The following HHIPL1 variants were observed in gnomAD, a reference collection of about 807,000 sequenced individuals.
HHIPL1 encodes the protein HHIP like 1, also known as HHIP-like protein 1.
A neutral mutation model predicts 61.8 loss-of-function variants in HHIPL1; 43 were observed. That is an observed-to-expected ratio of 0.70 (90% confidence interval 0.55 to 0.90). HHIPL1 has a LOEUF of 0.90. Among genes scored for constraint, HHIPL1 ranks in the 40% least tolerant of loss-of-function variants. The pLI, the probability that HHIPL1 is intolerant of heterozygous loss-of-function variation, is 0.00. For synonymous variants in HHIPL1, 482 were observed against 515.8 expected (o/e 0.93, Z 0.89); for missense variants, 1,056 against 1,157.7 (o/e 0.91, Z 1.28).
chr14:99,675,445 G>T lies in HHIPL1; in HGVS notation c.2168G>T (p.Arg723Leu). ...CRQLGFAYAV[R>L]AVKRAEFGQG... is the part of the protein sequence containing the mutation. ...CAGCTGGGGTTTGCCTACGCCGTGC[G>T]CGCCGTCAAGAGAGCCGAGTTCGGC... Residue 723 changes from arginine (R) to leucine (L), a missense_variant, in exon 9 of 9, where the codon CGC becomes CTC. Arg to Leu is a moderately radical substitution (Grantham distance 102, BLOSUM62 -2). Coordinates refer to ENST00000330710, the MANE Select transcript of HHIPL1 (RefSeq NM_001127258.3). The surrounding 1 kb of genome is among the most constrained non-coding windows in gnomAD (Gnocchi z 5.4). 1 of 1,538,172 alleles carries T rather than the reference G, an allele frequency of 6.5e-7. No individual in the cohort carries two copies. The highest frequency in any genetic ancestry group is 8.7e-7 in the Non-Finnish European group (1 of 1,145,700).
Position 99,675,816 on chromosome 14 carries a change from G to A in HHIPL1, c.*190G>A. The stretch of plus-strand genomic sequence containing the variant: ...CTGCAGACCCAAGGCAGGAGTGTGT[G>A]TTGGGGGCGGTGTGGGCTCTGGAAG... On this transcript the variant is annotated 3_prime_UTR_variant, in exon 9 of 9. Transcript: ENST00000330710. This position sits in a 1 kb window ranked among gnomAD's most constrained non-coding sequence, Gnocchi z 5.4. 1 of 509,748 alleles carries A rather than the reference G, an allele frequency of 2.0e-6. No individual in the cohort carries two copies. The highest frequency in any genetic ancestry group is 3.3e-6 in the Non-Finnish European group (1 of 304,418). 31.6% of individuals were successfully genotyped at this position (509,748 alleles called of 1,614,324 possible). A position where few individuals can be genotyped will look rare whatever the true frequency, so the allele number is the denominator to read the frequency against.
upstream of HHIPL1, chr14:99,645,059 C>A: frequency 3.2e-6 from 2 of 616,644 alleles, no homozygotes; most frequent in Non-Finnish European, 4.7e-6. Flanking sequence ...TGTCCCCGAC[C>A]AGAGGTGACC....
chr14:99,613,500 T>G, the HHIPL1 span, among the ~76,000 whole-genome samples: 14 of 151,862 alleles, frequency 9.2e-5, no homozygotes, highest in African/African-American at 3.1e-4. Context: ...GTTTTTATAC[T>G]GTTTGTAGAG....
At chr14:99,644,705 G>A (rs77648556), upstream of HHIPL1, among the ~76,000 whole-genome samples, 5,327 of 152,198 alleles carry the variant, frequency 0.035, 290 homozygotes, top group African/African-American at 0.12. Context: ...CCACCCCTAC[G>A]CCAGGTTTCA....
intron 2 of HHIPL1, among the ~76,000 whole-genome samples, chr14:99,654,349 A>AGCTGGGGACACCCAGTGGG (rs2055993094): frequency 6.6e-6 from 1 of 152,196 alleles, no homozygotes; most frequent in African/African-American, 2.4e-5. Flanking sequence ...CACCCAGTGG[A>AGCTGGGGACACCCAGTGGG]AGCTGGAGCC....
chr14:99,641,212 T>C (rs554958794), upstream of HHIPL1, among the ~76,000 whole-genome samples: 1 of 152,198 alleles, frequency 6.6e-6, no homozygotes, highest in East Asian at 1.9e-4. Flanking sequence ...AATGCTTTTT[T>C]GTTTTCGTAG....
At chr14:99,661,411 GA>G (rs2056149856) in intron 5 of HHIPL1, among the ~76,000 whole-genome samples, 2 of 72,018 alleles carry the variant, frequency 2.8e-5, no homozygotes, top group Non-Finnish European at 5.4e-5. Context: ...GAAAGAGAGA[GA>G]GAGAGAAAAG....
chr14:99,642,372 T>C (rs752892271), upstream of HHIPL1, among the ~76,000 whole-genome samples: 5 of 152,232 alleles, frequency 3.3e-5, no homozygotes, highest in Non-Finnish European at 7.3e-5. Flanking sequence ...TGTTTGTTTT[T>C]GTAACTTCTG....
chr14:99,652,575 A>G lies in HHIPL1; in HGVS notation c.607A>G (p.Arg203Gly), dbSNP rs759309953. 6.2e-7 allele frequency: 1 copy of G among 1,613,088 alleles called. No homozygotes were observed. Among genetic ancestry groups the G allele is most frequent in the South Asian group, 1.1e-5 (1 of 91,048 alleles). The part of the protein sequence containing the change: ...LRNPVAMVHA[R>G]DGTHRFFVAE... ...CAACCCCGTGGCCATGGTCCATGCC[A>G]GGGATGGCACCCACCGCTTCTTCGT... The change falls in exon 2 of 9, where the codon AGG becomes GGG. Residue 203 changes from arginine (R) to glycine (G), a missense_variant. Physicochemically the swap from Arg to Gly is moderately radical, Grantham distance 125. Coordinates refer to ENST00000330710, the MANE Select transcript of HHIPL1 (RefSeq NM_001127258.3).
Position 99,675,077 on chromosome 14 carries a change from C to T in HHIPL1, c.1814-14C>T. On this transcript the variant is annotated splice_polypyrimidine_tract_variant and intron_variant, in intron 8 of 8. Coordinates refer to ENST00000330710, the MANE Select transcript of HHIPL1 (RefSeq NM_001127258.3). This position sits in a 1 kb window ranked among gnomAD's most constrained non-coding sequence, Gnocchi z 5.4. The stretch of plus-strand genomic sequence containing the variant: ...GCCTGGGTCCCTCTGACGGCATACT[C>T]TTCCTCTGCGCAGAGTTCATCCCGA... 1 of 1,147,978 alleles carries T rather than the reference C, an allele frequency of 8.7e-7. No individual in the cohort carries two copies. 71.1% of individuals were successfully genotyped at this position (1,147,978 alleles called of 1,614,324 possible).
At chr14:99,647,835 C>G (rs751231823) in intron 1 of HHIPL1, among the ~76,000 whole-genome samples, 1 of 152,180 alleles carries the variant, frequency 6.6e-6, no homozygotes, top group Non-Finnish European at 1.5e-5. Context: ...AGACTCTTTC[C>G]TGAGGCTTTG....
Position 99,659,589 on chromosome 14 carries a change from G to T in HHIPL1, c.1208G>T (p.Arg403Leu), listed in dbSNP as rs1279235786. ...VRNMWRCSFD[R>L]GDPSSGTGRG... ...AACATGTGGCGCTGCTCCTTCGACC[G>T]TGGCGACCCCTCCTCGGGCACTGGC... The change falls in exon 4 of 9, where the codon CGT becomes CTT. Residue 403 changes from arginine to leucine, a missense_variant. Coordinates refer to ENST00000330710, the MANE Select transcript of HHIPL1 (RefSeq NM_001127258.3). 4 of 1,552,458 alleles carry T rather than the reference G, an allele frequency of 2.6e-6. No individual in the cohort carries two copies. Among genetic ancestry groups the T allele is most frequent in the Non-Finnish European group, 3.5e-6 (4 of 1,152,120 alleles).
In HHIPL1 at chr14:99,660,515, C is replaced by G; in HGVS notation, c.1502+109C>G. The G allele has an allele frequency of 7.3e-7, 1 of 1,370,198 alleles. No homozygotes were observed. The highest frequency in any genetic ancestry group is 2.3e-5 in the East Asian group (1 of 42,590). 84.9% of individuals were successfully genotyped at this position (1,370,198 alleles called of 1,614,324 possible). A position where few individuals can be genotyped will look rare whatever the true frequency, so the allele number is the denominator to read the frequency against. ...TGCGCCCGTTCCTGCACATGTGCCT[C>G]GCTGCTCTGACAGGGGCCCCTAGGT... On this transcript the variant is annotated intron_variant, in intron 5 of 8. Coordinates refer to ENST00000330710, the MANE Select transcript of HHIPL1 (RefSeq NM_001127258.3). This position sits in a 1 kb window ranked among gnomAD's most constrained non-coding sequence, Gnocchi z 4.9.
the HHIPL1 span, chr14:99,625,128 C>G: frequency 1.3e-5 from 2 of 152,218 alleles, no homozygotes; most frequent in African/African-American, 4.8e-5. Context: ...TCTGAAAGCA[C>G]CCGGTGCTGC....
At chr14:99,622,452 A>T in the HHIPL1 span, among the ~76,000 whole-genome samples, 2 of 152,144 alleles carry the variant, frequency 1.3e-5, no homozygotes, top group African/African-American at 4.8e-5. Context: ...TTGCTCCCCG[A>T]CAACTGTCAT....
chr14:99,660,222 G>C lies in HHIPL1; in HGVS notation c.1376-58G>C. ...CGCGGAATCCCTCCGGAATTCTCCTGGCTGATGAACCTTCCCGCCGCTGGC... is the reference window on the plus strand; with the variant it reads ...CGCGGAATCCCTCCGGAATTCTCCTCGCTGATGAACCTTCCCGCCGCTGGC... On this transcript the variant is annotated intron_variant, in intron 4 of 8. Transcript: ENST00000330710. The surrounding 1 kb of genome is among the most constrained non-coding windows in gnomAD (Gnocchi z 4.9). 6.2e-7 allele frequency: 1 copy of C among 1,607,256 alleles called. No homozygotes were observed. The highest frequency in any genetic ancestry group is 8.5e-7 in the Non-Finnish European group (1 of 1,177,026).
Position 99,660,432 on chromosome 14 carries a change from C to T in HHIPL1, c.1502+26C>T, listed in dbSNP as rs1378655075. The T allele has an allele frequency of 1.9e-6, 3 of 1,598,588 alleles. No homozygotes were observed. Among genetic ancestry groups the T allele is most frequent in the Non-Finnish European group, 2.6e-6 (3 of 1,169,488 alleles). On this transcript the variant is annotated intron_variant, in intron 5 of 8. Coordinates refer to ENST00000330710, the MANE Select transcript of HHIPL1 (RefSeq NM_001127258.3). The surrounding 1 kb of genome is among the most constrained non-coding windows in gnomAD (Gnocchi z 4.9). ...GTAAGTGACCTAGTGCCCTCGCGCC[C>T]CTGGCTGCTGCCACTGGCTCCTTGG...
the HHIPL1 span, among the ~76,000 whole-genome samples, chr14:99,632,643 C>T: frequency 6.6e-6 from 1 of 152,188 alleles, no homozygotes; most frequent in East Asian, 1.9e-4. Context: ...TGGGTGACTG[C>T]ATCACCCCCA....
intron 4 of HHIPL1, 42 bp downstream of exon 4, chr14:99,659,798 C>T: frequency 3.1e-6 from 4 of 1,302,950 alleles, no homozygotes; most frequent in Non-Finnish European, 3.9e-6. Flanking sequence ...CGAATCCGCC[C>T]CCACCCCACC....
Sources: allele counts gnomAD v4.1 joint callset (sites outside exome capture counted in the v4.1 genomes callset), GRCh38; gene constraint gnomAD v4.1.1; non-coding constraint Gnocchi (gnomAD v3.1); transcripts MANE v1.5; gene names NCBI Gene and HGNC (gene_info 2026-07-23, HGNC 2026-07-21).